The following TMTC1 variants were observed in gnomAD, a reference collection of about 807,000 sequenced individuals.
The protein encoded by TMTC1 is protein O-mannosyl-transferase TMTC1.
TMTC1 carries 73 observed loss-of-function variants against 104.8 expected under a neutral mutation model. The ratio of observed to expected loss-of-function variants is 0.70; its 90% CI spans 0.58 to 0.85. TMTC1 has a LOEUF of 0.85. Ranked by LOEUF, TMTC1 falls within the 40% of genes least tolerant of loss-of-function variation. The pLI is 0.00. For synonymous variants in TMTC1, 434 were observed against 428.7 expected (o/e 1.01, Z -0.15); for missense variants, 1,035 against 1,096.1 (o/e 0.94, Z 0.79).
chr12:29,764,582 C>T (rs1357961511), intron 2 of TMTC1, among the ~76,000 whole-genome samples: 1 of 152,184 alleles, frequency 6.6e-6, no homozygotes, highest in Non-Finnish European at 1.5e-5. Flanking sequence ...TGTCCTCCTC[C>T]TACTTAGAAA....
intron 5 of TMTC1, among the ~76,000 whole-genome samples, chr12:29,679,076 T>G (rs986760671): frequency 9.9e-5 from 15 of 152,154 alleles, no homozygotes; most frequent in African/African-American, 3.6e-4. Context: ...CTAAATAAAT[T>G]TTCATACAAC....
At chr12:29,678,529 A>G (rs1228874442) in intron 5 of TMTC1, among the ~76,000 whole-genome samples, 2 of 152,186 alleles carry the variant, frequency 1.3e-5, no homozygotes, top group African/African-American at 4.8e-5. Context: ...AGATTGAGGG[A>G]CAGTGGGTTT....
At chr12:29,746,145 A>G (rs892831214) in intron 5 of TMTC1, among the ~76,000 whole-genome samples, 9 of 152,162 alleles carry the variant, frequency 5.9e-5, no homozygotes, top group Non-Finnish European at 1.0e-4. Context: ...AAAATGAGGG[A>G]TGTGGGATTT....
chr12:29,750,473 C>T (rs1369833344), intron 5 of TMTC1, among the ~76,000 whole-genome samples: 3 of 152,302 alleles, frequency 2.0e-5, no homozygotes, highest in Admixed American at 2.0e-4. Flanking sequence ...TTCTTATTTA[C>T]CAGGACACTC....
chr12:29,588,684 T>C (rs532392935), intron 7 of TMTC1, among the ~76,000 whole-genome samples: 1 of 152,284 alleles, frequency 6.6e-6, no homozygotes, highest in East Asian at 1.9e-4. Context: ...ATACATTACA[T>C]GGATAAAAAT....
chr12:29,595,709 C>G (rs564916087), intron 7 of TMTC1, among the ~76,000 whole-genome samples: 3 of 152,226 alleles, frequency 2.0e-5, no homozygotes, highest in Non-Finnish European at 2.9e-5. Flanking sequence ...AAGTTAAAAT[C>G]TTTCTAATCT....
At chr12:29,546,812 T>C (rs909891518) in intron 10 of TMTC1, among the ~76,000 whole-genome samples, 1 of 151,984 alleles carries the variant, frequency 6.6e-6, no homozygotes, top group African/African-American at 2.4e-5. Flanking sequence ...AGCCCAGGAG[T>C]TTGGAAGTTT....
intron 11 of TMTC1, among the ~76,000 whole-genome samples, chr12:29,525,814 A>C (rs1305783113): frequency 6.6e-6 from 1 of 152,198 alleles, no homozygotes; most frequent in Non-Finnish European, 1.5e-5. Flanking sequence ...AATCTAGTTG[A>C]ATCAGTTACC....
rs530776157 is a variant in TMTC1 at position 29,602,319 on chromosome 12, T to C, written c.1250+1859A>G. ...ACAACATCTGGCTAAGTTTTTGTTATTTTCTGTAGAGGCAGGGTCTCACCA... is the reference window on the plus strand; with the variant it reads ...ACAACATCTGGCTAAGTTTTTGTTACTTTCTGTAGAGGCAGGGTCTCACCA... On this transcript the variant is annotated intron_variant, in intron 7 of 17. Transcript: ENST00000539277. Among the ~76,000 whole-genome samples the C allele has an allele frequency of 3.8e-4, 58 of 152,170 alleles. 1 individual carries two copies. Among genetic ancestry groups the C allele is most frequent in the Admixed American group, 2.0e-3 (31 of 15,274 alleles).
At chr12:29,520,542 T>G in intron 12 of TMTC1, 76 bp downstream of exon 12, 2 of 1,271,460 alleles carry the variant, frequency 1.6e-6, no homozygotes, top group Non-Finnish European at 2.3e-6. Flanking sequence ...CTTCTGAGGA[T>G]TATTTGCCTT....
At chr12:29,739,868 C>T (rs1206622621) in intron 5 of TMTC1, among the ~76,000 whole-genome samples, 8 of 151,970 alleles carry the variant, frequency 5.3e-5, no homozygotes, top group African/African-American at 1.4e-4. Context: ...ACCACCATAC[C>T]CAGCTAATTT....
chr12:29,638,799 G>C (rs1334756845), intron 5 of TMTC1, among the ~76,000 whole-genome samples: 1 of 152,156 alleles, frequency 6.6e-6, no homozygotes, highest in African/African-American at 2.4e-5. Context: ...CTGCCAGGGG[G>C]ATAAGGGAAC....
chr12:29,715,995 AT>A (rs1942067486), intron 5 of TMTC1, among the ~76,000 whole-genome samples: 1 of 82,828 alleles, frequency 1.2e-5, no homozygotes, highest in Non-Finnish European at 2.4e-5. Flanking sequence ...CAGTATTATT[AT>A]TATTATTATT....
intron 7 of TMTC1, among the ~76,000 whole-genome samples, chr12:29,592,751 A>C (rs1946313315): frequency 6.6e-6 from 1 of 152,266 alleles, no homozygotes; most frequent in South Asian, 2.1e-4. Flanking sequence ...GTGAGGGGGA[A>C]TAACAATTGT....
At chr12:29,695,827 AT>A (rs57363485) in intron 5 of TMTC1, among the ~76,000 whole-genome samples, 118 of 102,196 alleles carry the variant, frequency 1.2e-3, no homozygotes, top group African/African-American at 4.2e-3. Context: ...ATATATATAT[AT>A]AACCTGTCTT....
At chr12:29,713,403 C>A (rs1392072484) in intron 5 of TMTC1, among the ~76,000 whole-genome samples, 1 of 151,710 alleles carries the variant, frequency 6.6e-6, no homozygotes, top group Non-Finnish European at 1.5e-5. Context: ...AACTAATGTT[C>A]TCCATCAGTT....
chr12:29,727,145 G>A (rs1304582434), intron 5 of TMTC1, among the ~76,000 whole-genome samples: 1 of 152,152 alleles, frequency 6.6e-6, no homozygotes, highest in Non-Finnish European at 1.5e-5. Context: ...TTCAATGTGT[G>A]ATTTATTGAG....
chr12:29,623,152 A>G (rs1051343760), intron 6 of TMTC1, among the ~76,000 whole-genome samples: 1 of 152,220 alleles, frequency 6.6e-6, no homozygotes, highest in Non-Finnish European at 1.5e-5. Context: ...TTACTTCTAA[A>G]AAAGAAAGAA....
At chr12:29,705,874 C>G (rs575000880) in intron 5 of TMTC1, among the ~76,000 whole-genome samples, 1 of 152,200 alleles carries the variant, frequency 6.6e-6, no homozygotes, top group African/African-American at 2.4e-5. Flanking sequence ...GCAGAATGAG[C>G]CCCAAATATC....
Sources: allele counts gnomAD v4.1 joint callset (sites outside exome capture counted in the v4.1 genomes callset), GRCh38; gene constraint gnomAD v4.1.1; transcripts MANE v1.5; gene names NCBI Gene and HGNC (gene_info 2026-07-23, HGNC 2026-07-21).